Variants in DPH6 observed in about 807,000 individuals in gnomAD.
The protein encoded by DPH6 is diphthamine biosynthesis 6.
Under a neutral mutation model 38.2 loss-of-function variants are expected in DPH6, and 33 were observed. The observed-to-expected ratio is 0.86, with a 90% CI of 0.65 to 1.15. The LOEUF is 1.15. Ranked by LOEUF, DPH6 falls within the 50% of genes most tolerant of loss-of-function variation. DPH6 has a pLI of 0.00. For missense variants in DPH6, 325 were observed against 320.0 expected (o/e 1.02, Z -0.12); for synonymous variants, 108 against 103.0 (o/e 1.05, Z -0.30).
intron 3 of DPH6, among the ~76,000 whole-genome samples, chr15:35,532,444 T>A (rs2055102496): frequency 6.6e-6 from 1 of 152,204 alleles, no homozygotes; most frequent in Non-Finnish European, 1.5e-5. Flanking sequence ...ACCAGCATTA[T>A]CAATAGGTGC....
intron 3 of DPH6, among the ~76,000 whole-genome samples, chr15:35,268,172 A>T (rs910491994): frequency 2.8e-5 from 4 of 140,526 alleles, no homozygotes; most frequent in South Asian, 2.3e-4. Flanking sequence ...TCTGTCTCAA[A>T]AAATAAATAA....
intron 3 of DPH6, among the ~76,000 whole-genome samples, chr15:35,342,929 C>T (rs1466821652): frequency 6.6e-6 from 1 of 152,138 alleles, no homozygotes; most frequent in African/African-American, 2.4e-5. Flanking sequence ...ACGATCAGTT[C>T]AAAGCTATTC....
intron 7 of DPH6, among the ~76,000 whole-genome samples, chr15:35,380,440 G>A (rs963888496): frequency 6.6e-6 from 1 of 152,162 alleles, no homozygotes; most frequent in Non-Finnish European, 1.5e-5. Flanking sequence ...TACATGTCTT[G>A]TAATTCCATG....
chr15:35,450,734 C>T lies in DPH6; in HGVS notation c.456G>A (p.Glu152=). ...TTGCTTGAATGTTAGATGATATCAT[C>T]TCTCTGAGCAAATCTTCCTGGTTTC... ...WQRNQEDLLR[E]MISSNIQAMI... is the part of the protein sequence containing the mutation. The change falls in exon 5 of 9, where the codon GAG becomes GAA. Residue 152 remains glutamate, a synonymous_variant. Coordinates refer to ENST00000256538, the MANE Select transcript of DPH6 (RefSeq NM_080650.4). The T allele has an allele frequency of 6.2e-7, 1 of 1,613,280 alleles. No individual in the cohort carries two copies. Among genetic ancestry groups the T allele is most frequent in the Non-Finnish European group, 8.5e-7 (1 of 1,179,632 alleles).
At chr15:35,221,391 T>C (rs2051441273) in intron 3 of DPH6, among the ~76,000 whole-genome samples, 1 of 152,198 alleles carries the variant, frequency 6.6e-6, no homozygotes, top group South Asian at 2.1e-4. Context: ...CACTAAGTAC[T>C]GCCCTGGTGG....
chr15:35,257,172 A>G (rs2051714133), intron 3 of DPH6, among the ~76,000 whole-genome samples: 1 of 152,202 alleles, frequency 6.6e-6, no homozygotes, highest in African/African-American at 2.4e-5. Context: ...ATAGCATACC[A>G]GGAAAGGAGG....
At chr15:35,542,166 A>G (rs1374554524) in intron 2 of DPH6, among the ~76,000 whole-genome samples, 2 of 152,120 alleles carry the variant, frequency 1.3e-5, no homozygotes, top group Admixed American at 1.3e-4. Context: ...TACTTCAGAC[A>G]AACTCTAAGC....
the DPH6 span, among the ~76,000 whole-genome samples, chr15:35,150,355 T>C: frequency 7.2e-5 from 11 of 152,206 alleles, no homozygotes; most frequent in Admixed American, 3.9e-4. Context: ...AGAATAATTA[T>C]AGAGAAGTTC....
chr15:35,354,145 T>G (rs910936202), intron 3 of DPH6, among the ~76,000 whole-genome samples: 5 of 152,252 alleles, frequency 3.3e-5, no homozygotes, highest in Non-Finnish European at 4.4e-5. Context: ...CCTGAGACTT[T>G]GCTGAAGTTG....
chr15:35,391,112 G>C (rs1410710507), intron 6 of DPH6, among the ~76,000 whole-genome samples: 1 of 152,192 alleles, frequency 6.6e-6, no homozygotes, highest in Non-Finnish European at 1.5e-5. Flanking sequence ...GTCCACTCCA[G>C]ACCCTATTTG....
chr15:35,190,464 G>T, the DPH6 span, among the ~76,000 whole-genome samples: 1 of 152,190 alleles, frequency 6.6e-6, no homozygotes, highest in Non-Finnish European at 1.5e-5. Flanking sequence ...GATGACTCCT[G>T]TTACTAAGTG....
At chr15:35,277,284 A>C (rs1490362734) in intron 3 of DPH6, among the ~76,000 whole-genome samples, 1 of 152,122 alleles carries the variant, frequency 6.6e-6, no homozygotes, top group Non-Finnish European at 1.5e-5. Flanking sequence ...GTATGTGGAA[A>C]CTTTGCTGAA....
intron 3 of DPH6, among the ~76,000 whole-genome samples, chr15:35,317,819 T>C (rs1257885247): frequency 2.0e-5 from 3 of 152,074 alleles, no homozygotes; most frequent in Admixed American, 1.3e-4. Context: ...CCTAGCATTG[T>C]CCAAGAAATG....
chr15:35,516,283 G>C (rs539357510), intron 3 of DPH6, among the ~76,000 whole-genome samples: 1 of 152,184 alleles, frequency 6.6e-6, no homozygotes, highest in Non-Finnish European at 1.5e-5. Context: ...ATCTTATGAA[G>C]TTAGTTAAAT....
At chr15:35,288,272 C>T (rs555323138) in intron 3 of DPH6, among the ~76,000 whole-genome samples, 6 of 152,116 alleles carry the variant, frequency 3.9e-5, no homozygotes, top group South Asian at 2.1e-4. Flanking sequence ...GAAACACACA[C>T]GTATTTTCCA....
rs1202405067 is a variant in DPH6, at chr15:35,538,463, C to T, written c.123G>A (p.Gly41=). The change falls in exon 3 of 9, where the codon GGG becomes GGA. Residue 41 remains glycine (G), a synonymous_variant. Coordinates refer to ENST00000256538, the MANE Select transcript of DPH6 (RefSeq NM_080650.4). Reference sequence around the variant, plus strand: ...ACATGTAGCTATCCAGTTCATCAGACCCCACTGCAACAATTAAAATGGAAA... The same window carrying T: ...ACATGTAGCTATCCAGTTCATCAGATCCCACTGCAACAATTAAAATGGAAA... ...ANLRPAENQV[G]SDELDSYMYQ... is the part of the protein sequence containing the mutation. 1 of 1,528,954 alleles carries T rather than the reference C, an allele frequency of 6.5e-7. No individual in the cohort carries two copies. Among genetic ancestry groups the T allele is most frequent in the Non-Finnish European group, 8.9e-7 (1 of 1,122,108 alleles). 94.7% of individuals were successfully genotyped at this position (1,528,954 alleles called of 1,614,324 possible). A position where few individuals can be genotyped will look rare whatever the true frequency, so the allele number is the denominator to read the frequency against.
chr15:35,307,168 G>A (rs531049675), intron 3 of DPH6, among the ~76,000 whole-genome samples: 9 of 152,050 alleles, frequency 5.9e-5, no homozygotes, highest in Non-Finnish European at 1.0e-4. Context: ...GAGAAACTGG[G>A]CACTACTCTG....
chr15:35,534,058 C>G (rs1391798246), intron 3 of DPH6, among the ~76,000 whole-genome samples: 1 of 151,598 alleles, frequency 6.6e-6, no homozygotes, highest in Non-Finnish European at 1.5e-5. Flanking sequence ...GAGAAGAAAA[C>G]TAAGAAAAAA....
chr15:35,511,017 T>C (rs1595431103), intron 3 of DPH6, among the ~76,000 whole-genome samples: 1 of 152,092 alleles, frequency 6.6e-6, no homozygotes, highest in African/African-American at 2.4e-5. Flanking sequence ...GAAACCAGAG[T>C]CTAAAACCTG....
Sources: allele counts gnomAD v4.1 joint callset (sites outside exome capture counted in the v4.1 genomes callset), GRCh38; gene constraint gnomAD v4.1.1; transcripts MANE v1.5; gene names NCBI Gene and HGNC (gene_info 2026-07-23, HGNC 2026-07-21).